The following KCMF1 variants were observed in gnomAD, a reference collection of about 807,000 sequenced individuals.
KCMF1 encodes potassium channel modulatory factor 1.
In KCMF1, 3 loss-of-function variants were observed where a neutral mutation model predicts 41.1. The observed-to-expected ratio is 0.07, with a 90% CI of 0.03 to 0.19. The LOEUF (loss-of-function observed/expected upper bound fraction) is 0.19, where lower values mean the gene tolerates loss of function less well. KCMF1 is among the 10% of genes least tolerant of loss of function. The pLI, the probability that KCMF1 is intolerant of heterozygous loss-of-function variation, is 1.00. For missense variants in KCMF1, 286 were observed against 488.9 expected (o/e 0.58, Z 3.91); for synonymous variants, 142 against 164.5 (o/e 0.86, Z 1.04).
intron 1 of KCMF1, among the ~76,000 whole-genome samples, chr2:85,020,918 G>A (rs1347344412): frequency 6.6e-6 from 1 of 152,070 alleles, no homozygotes; most frequent in African/African-American, 2.4e-5. Flanking sequence ...TCTCCAGGCT[G>A]GAGTGCAGTT....
At chr2:85,007,402 A>G (rs1293015451) in intron 1 of KCMF1, among the ~76,000 whole-genome samples, 1 of 152,222 alleles carries the variant, frequency 6.6e-6, no homozygotes, top group African/African-American at 2.4e-5. Flanking sequence ...GGGCAAGGTC[A>G]CAAATGCACC....
chr2:85,053,424 G>C lies in KCMF1; in HGVS notation c.*15G>C, dbSNP rs372007823. The C allele has an allele frequency of 1.9e-6, 3 of 1,606,062 alleles. No individual in the cohort carries two copies. Among genetic ancestry groups the C allele is most frequent in the Admixed American group, 1.7e-5 (1 of 59,064 alleles). ...CTCCTCTTTGATGACATCCCAATTCGCAGACAATGTCCTCTGTGCTGTATT... is the reference window on the plus strand; with the variant it reads ...CTCCTCTTTGATGACATCCCAATTCCCAGACAATGTCCTCTGTGCTGTATT... On this transcript the variant is annotated 3_prime_UTR_variant, in exon 7 of 7. Transcript: ENST00000409785.
At chr2:85,045,245 C>CATATATAT (rs551733035) in intron 4 of KCMF1, among the ~76,000 whole-genome samples, 1 of 151,218 alleles carries the variant, frequency 6.6e-6, no homozygotes, top group South Asian at 2.1e-4. Context: ...TCTCAAGATA[C>CATATATAT]ATATATATAT....
chr2:85,016,118 A>G (rs1674762878), intron 1 of KCMF1, among the ~76,000 whole-genome samples: 1 of 152,206 alleles, frequency 6.6e-6, no homozygotes, highest in South Asian at 2.1e-4. Context: ...AAGTAAGACT[A>G]CTGCGTGAAG....
At chr2:84,995,351 T>C (rs1332478918) in intron 1 of KCMF1, among the ~76,000 whole-genome samples, 1 of 152,212 alleles carries the variant, frequency 6.6e-6, no homozygotes, top group South Asian at 2.1e-4. Flanking sequence ...CTTGCTATGA[T>C]AGATATGTTC....
At chr2:85,037,783 G>C (rs573534586) in intron 3 of KCMF1, among the ~76,000 whole-genome samples, 12 of 152,132 alleles carry the variant, frequency 7.9e-5, no homozygotes, top group Non-Finnish European at 1.5e-4. Context: ...CCCAACCCCT[G>C]GGCCACGGAC....
intron 1 of KCMF1, among the ~76,000 whole-genome samples, chr2:85,022,103 C>G (rs1238699957): frequency 6.6e-6 from 1 of 152,100 alleles, no homozygotes; most frequent in Non-Finnish European, 1.5e-5. Context: ...AGGTGTGAGC[C>G]ACCACGCCCG....
Position 85,058,339 on chromosome 2 carries a change from G to T in KCMF1, c.*4930G>T, listed in dbSNP as rs1279882765. On this transcript the variant is annotated 3_prime_UTR_variant, in exon 7 of 7. Coordinates refer to ENST00000409785, the MANE Select transcript of KCMF1 (RefSeq NM_020122.5). Reference sequence around the variant, plus strand: ...GGAGGTTGCAGTGAGCCGAGATTGCGCCACTGCACTCCAGCCTGGGCGACA... The same window carrying T: ...GGAGGTTGCAGTGAGCCGAGATTGCTCCACTGCACTCCAGCCTGGGCGACA... 6.6e-6 allele frequency: 1 copy of T among 152,030 alleles called. No homozygotes were observed. Among genetic ancestry groups the T allele is most frequent in the Non-Finnish European group, 1.5e-5 (1 of 68,114 alleles). 9.4% of individuals were successfully genotyped at this position (152,030 alleles called of 1,614,324 possible).
At chr2:84,979,612 T>G (rs980241586) in intron 1 of KCMF1, among the ~76,000 whole-genome samples, 1 of 152,122 alleles carries the variant, frequency 6.6e-6, no homozygotes, top group African/African-American at 2.4e-5. Flanking sequence ...AAACTGCATA[T>G]TCATAAAAGT....
intron 1 of KCMF1, among the ~76,000 whole-genome samples, chr2:85,016,134 A>G (rs1047158691): frequency 6.6e-6 from 1 of 152,172 alleles, no homozygotes; most frequent in African/African-American, 2.4e-5. Context: ...TGAAGACTAC[A>G]CATATTGCAA....
intron 6 of KCMF1, among the ~76,000 whole-genome samples, chr2:85,051,420 C>CTTGCCCTATCCTTTTT (rs61397674): frequency 0.11 from 16,727 of 151,594 alleles, 1,517 homozygotes; most frequent in East Asian, 0.34. Context: ...CCTACCCACC[C>CTTGCCCTATCCTTTTT]TTGCCCTATC....
At chr2:84,974,108 G>A (rs1474792058) in intron 1 of KCMF1, among the ~76,000 whole-genome samples, 1 of 152,134 alleles carries the variant, frequency 6.6e-6, no homozygotes, top group Non-Finnish European at 1.5e-5. Flanking sequence ...GATTACAGGC[G>A]TGAGCCACCA....
At chr2:85,045,286 A>C (rs910149704) in intron 4 of KCMF1, among the ~76,000 whole-genome samples, 1 of 151,976 alleles carries the variant, frequency 6.6e-6, no homozygotes, top group African/African-American at 2.4e-5. Context: ...AAATTATCAA[A>C]TATATAAATA....
intron 1 of KCMF1, among the ~76,000 whole-genome samples, chr2:84,994,409 T>A (rs1436747363): frequency 2.0e-5 from 3 of 151,860 alleles, no homozygotes; most frequent in Non-Finnish European, 4.4e-5. Context: ...TAACAATACT[T>A]CTTTTTTTTT....
chr2:85,036,925 A>C (rs978345996), intron 3 of KCMF1, among the ~76,000 whole-genome samples: 8 of 151,548 alleles, frequency 5.3e-5, no homozygotes, highest in Non-Finnish European at 2.9e-5. Flanking sequence ...TAGTATTTTC[A>C]TCACCCCTCA....
At chr2:85,015,421 A>G (rs1423393099) in intron 1 of KCMF1, among the ~76,000 whole-genome samples, 1 of 152,126 alleles carries the variant, frequency 6.6e-6, no homozygotes, top group Non-Finnish European at 1.5e-5. Context: ...AAGCTCCTCT[A>G]TTTCCAGATA....
chr2:84,988,612 A>G (rs965111750), intron 1 of KCMF1, among the ~76,000 whole-genome samples: 4 of 152,238 alleles, frequency 2.6e-5, no homozygotes, highest in African/African-American at 9.6e-5. Context: ...TTAAAGGCTT[A>G]AAATTTCAGA....
Position 84,995,027 on chromosome 2 carries a change from AT to A in KCMF1, c.16+23572del, listed in dbSNP as rs55946241. 5.8e-3 allele frequency among the ~76,000 whole-genome samples: 847 copies of A among 146,926 alleles called. 5 individuals are homozygous for A. The highest frequency in any genetic ancestry group is 0.019 in the African/African-American group (760 of 40,286). On this transcript the variant is annotated intron_variant, in intron 1 of 6. Transcript: ENST00000409785. Reference sequence around the variant, plus strand: ...CTTTTTCGAAATTTAAATTTTATTAATTTTTTTTTTTTGAGATGGAGTCTTG... The same window carrying A: ...CTTTTTCGAAATTTAAATTTTATTAATTTTTTTTTTTGAGATGGAGTCTTG...
chr2:84,979,900 G>A (rs372757996), intron 1 of KCMF1, among the ~76,000 whole-genome samples: 24 of 151,752 alleles, frequency 1.6e-4, no homozygotes, highest in African/African-American at 5.6e-4. Flanking sequence ...TCGGCTCACC[G>A]CAACCTCTGC....
Sources: gnomAD v4.1 joint callset for allele counts (sites outside exome capture counted in the v4.1 genomes callset) on GRCh38, gnomAD v4.1.1 for gene constraint, MANE v1.5 for transcripts, NCBI Gene and HGNC (gene_info 2026-07-23, HGNC 2026-07-21) for gene names.